The following EYA4 variants were observed in gnomAD, a reference collection of about 807,000 sequenced individuals.
The protein encoded by EYA4 is EYA transcriptional coactivator and phosphatase 4.
In EYA4, 31 loss-of-function variants were observed where a neutral mutation model predicts 87.9. That is an observed-to-expected ratio of 0.35 (90% confidence interval 0.27 to 0.48). The LOEUF is 0.48. EYA4 is among the 20% of genes least tolerant of loss of function. The pLI, the probability that EYA4 is intolerant of heterozygous loss-of-function variation, is 0.99. For missense variants in EYA4, 678 were observed against 761.4 expected (o/e 0.89, Z 1.29); for synonymous variants, 263 against 270.6 (o/e 0.97, Z 0.28).
intron 3 of EYA4, among the ~76,000 whole-genome samples, chr6:133,401,862 G>A (rs890865882): frequency 1.3e-5 from 2 of 152,186 alleles, no homozygotes; most frequent in Non-Finnish European, 2.9e-5. Context: ...GCATTAGATT[G>A]AGGGTATTTC....
At chr6:133,501,758 AC>A (rs371945127) in intron 13 of EYA4, among the ~76,000 whole-genome samples, 268 of 152,242 alleles carry the variant, frequency 1.8e-3, no homozygotes, top group African/African-American at 5.7e-3. Flanking sequence ...ACAAAAAAAA[AC>A]GTCCTTAGTT....
At chr6:133,338,005 G>T (rs1782505025) in intron 2 of EYA4, among the ~76,000 whole-genome samples, 3 of 152,142 alleles carry the variant, frequency 2.0e-5, no homozygotes, top group Admixed American at 6.5e-5. Context: ...TCTGTTTTCG[G>T]CCAGATGCAT....
intron 1 of EYA4, among the ~76,000 whole-genome samples, chr6:133,254,732 A>G (rs560274662): frequency 6.6e-6 from 1 of 152,280 alleles, no homozygotes; most frequent in South Asian, 2.1e-4. Context: ...CACTTTATTT[A>G]TCAGCGTCAG....
At chr6:133,466,775 A>T (rs1794881213) in intron 10 of EYA4, among the ~76,000 whole-genome samples, 1 of 127,678 alleles carries the variant, frequency 7.8e-6, no homozygotes. Context: ...ACTGAACTTA[A>T]AAAAAAAAAA....
intron 2 of EYA4, among the ~76,000 whole-genome samples, chr6:133,315,211 G>C: frequency 6.6e-6 from 1 of 152,146 alleles, no homozygotes; most frequent in East Asian, 1.9e-4. Context: ...CTGCACAGCT[G>C]TGTAGTCAGG....
At chr6:133,523,034 G>T (rs1425778086) in intron 17 of EYA4, 22 bp from the exon 18 acceptor site, 2 of 1,594,036 alleles carry the variant, frequency 1.3e-6, no homozygotes, top group Non-Finnish European at 1.7e-6. Flanking sequence ...AAACAAACAT[G>T]TATATTTCCT....
chr6:133,304,145 C>T (rs1306453708), intron 2 of EYA4, among the ~76,000 whole-genome samples: 2 of 152,132 alleles, frequency 1.3e-5, no homozygotes, highest in African/African-American at 4.8e-5. Context: ...ACACATAAAA[C>T]TTCCTAGTGG....
intron 13 of EYA4, among the ~76,000 whole-genome samples, chr6:133,500,719 G>A (rs956757583): frequency 2.6e-5 from 4 of 151,678 alleles, no homozygotes; most frequent in Non-Finnish European, 4.4e-5. Context: ...CCAAAGAATC[G>A]ACTCCTGAAA....
chr6:133,520,233 A>T (rs1799992928), intron 17 of EYA4, among the ~76,000 whole-genome samples: 1 of 149,884 alleles, frequency 6.7e-6, no homozygotes, highest in South Asian at 2.2e-4. Context: ...TATCTAGAAA[A>T]CCCCATTGTC....
At chr6:133,462,265 C>T (rs1474973926) in intron 7 of EYA4, 70 bp from the exon 8 acceptor site, 2 of 1,511,088 alleles carry the variant, frequency 1.3e-6, no homozygotes, top group African/African-American at 1.4e-5. Flanking sequence ...TAGGGTTTCA[C>T]TGAATCTAGG....
intron 3 of EYA4, among the ~76,000 whole-genome samples, chr6:133,433,868 T>C (rs183785883): frequency 2.6e-5 from 4 of 152,310 alleles, no homozygotes; most frequent in Admixed American, 2.6e-4. Context: ...AGTGAGCGAC[T>C]GGGAGGACAC....
intron 3 of EYA4, among the ~76,000 whole-genome samples, chr6:133,443,926 AG>A (rs1792550640): frequency 6.6e-6 from 1 of 152,288 alleles, no homozygotes; most frequent in African/African-American, 2.4e-5. Context: ...TTTACTTTAT[AG>A]CCCACCTATA....
intron 2 of EYA4, among the ~76,000 whole-genome samples, chr6:133,353,997 G>T (rs1218019352): frequency 2.0e-5 from 3 of 152,140 alleles, no homozygotes; most frequent in Non-Finnish European, 4.4e-5. Flanking sequence ...TGTGAGGGAA[G>T]GTGGGCTTTA....
intron 13 of EYA4, among the ~76,000 whole-genome samples, chr6:133,492,439 A>C (rs1192343586): frequency 6.6e-6 from 1 of 151,906 alleles, no homozygotes; most frequent in African/African-American, 2.4e-5. Flanking sequence ...AAAACTGGGT[A>C]TGGAAGAACA....
chr6:133,297,910 A>G lies in EYA4; in HGVS notation c.33+23097A>G, dbSNP rs1019636985. Among the ~76,000 whole-genome samples, 7 of 152,168 alleles carry G rather than the reference A, an allele frequency of 4.6e-5. No homozygotes were observed. The South Asian group carries it at 1.0e-3, about 23-fold the overall frequency. On this transcript the variant is annotated intron_variant, in intron 2 of 19. Transcript: ENST00000355286. The stretch of plus-strand genomic sequence containing the variant: ...TTGCATGAAGATCCTGTTCTTCACA[A>G]CCATTCACTCAGTGGTTTTAGCCTC...
intron 3 of EYA4, among the ~76,000 whole-genome samples, chr6:133,390,171 G>A (rs565016508): frequency 2.6e-5 from 4 of 152,222 alleles, no homozygotes; most frequent in African/African-American, 9.6e-5. Flanking sequence ...GCCCACAAAA[G>A]GTCAGGGGTT....
intron 3 of EYA4, among the ~76,000 whole-genome samples, chr6:133,384,023 G>C (rs1471285671): frequency 2.0e-5 from 3 of 152,068 alleles, no homozygotes; most frequent in Non-Finnish European, 4.4e-5. Flanking sequence ...TTGGGAGTTA[G>C]GAAAAACAGA....
In EYA4 at chr6:133,456,398, CA is replaced by C; in HGVS notation, c.278-157del. 9.0e-6 allele frequency: 6 copies of C among 666,124 alleles called. No homozygotes were observed. In the South Asian group the frequency reaches 1.0e-4, roughly 11 times the overall value. 41.3% of individuals were successfully genotyped at this position (666,124 alleles called of 1,614,324 possible). On this transcript the variant is annotated intron_variant, in intron 5 of 19. Transcript: ENST00000355286. ...GATTTTAGATTAAATCCTCTAAATG[CA>C]TGCCCGTTTAGAAGCTAAATTAACA...
intron 2 of EYA4, among the ~76,000 whole-genome samples, chr6:133,295,698 A>G (rs1053868710): frequency 2.6e-5 from 4 of 152,202 alleles, no homozygotes; most frequent in Non-Finnish European, 4.4e-5. Flanking sequence ...CCAAACTCAT[A>G]TAGAAATTAG....
Sources: allele counts gnomAD v4.1 joint callset (sites outside exome capture counted in the v4.1 genomes callset), GRCh38; gene constraint gnomAD v4.1.1; transcripts MANE v1.5; gene names NCBI Gene and HGNC (gene_info 2026-07-23, HGNC 2026-07-21).